The following IL1RAPL2 variants were observed in gnomAD, a reference collection of about 807,000 sequenced individuals.
IL1RAPL2 encodes the protein interleukin 1 receptor accessory protein like 2, also known as X-linked interleukin-1 receptor accessory protein-like 2.
A neutral mutation model predicts 44.1 loss-of-function variants in IL1RAPL2; 3 were observed. The observed-to-expected ratio is 0.07, with a 90% confidence interval of 0.03 to 0.18. IL1RAPL2 has a LOEUF of 0.18. IL1RAPL2 is among the 10% of genes least tolerant of loss of function. The pLI is 1.00. For synonymous variants in IL1RAPL2, 181 were observed against 178.8 expected (o/e 1.01, Z -0.10); for missense variants, 391 against 496.4 (o/e 0.79, Z 2.02).
At chrX:105,462,980 T>G (rs2036103273) in intron 5 of IL1RAPL2, among the ~76,000 whole-genome samples, 1 of 111,557 alleles carries the variant, frequency 9.0e-6, no homozygotes, top group Non-Finnish European at 1.9e-5. Context: ...GTTTTCTGTC[T>G]GATATCATGA....
At chrX:105,254,753 C>T (rs1381497522) in intron 4 of IL1RAPL2, among the ~76,000 whole-genome samples, 2 of 111,768 alleles carry the variant, frequency 1.8e-5, no homozygotes, top group Non-Finnish European at 3.8e-5. Context: ...AAGGGGTTCA[C>T]CTTCAATCTT....
chrX:104,996,626 A>G (rs2030753123), intron 2 of IL1RAPL2, among the ~76,000 whole-genome samples: 1 of 112,232 alleles, frequency 8.9e-6, no homozygotes, highest in African/African-American at 3.2e-5. Context: ...AGAGAATATT[A>G]TGCTTTGAAT....
intron 2 of IL1RAPL2, among the ~76,000 whole-genome samples, chrX:104,793,770 TC>T (rs1283419234): frequency 1.8e-5 from 2 of 111,751 alleles, no homozygotes; most frequent in African/African-American, 6.5e-5. Flanking sequence ...TCCTGCACCA[TC>T]ACCATTATAA....
At chrX:104,792,758 A>G (rs1435080343) in intron 2 of IL1RAPL2, among the ~76,000 whole-genome samples, 1 of 111,611 alleles carries the variant, frequency 9.0e-6, no homozygotes, top group African/African-American at 3.3e-5. Context: ...CAGTAATCAG[A>G]TTGCTGAATC....
At chrX:104,916,187 C>T (rs1394784480) in intron 2 of IL1RAPL2, among the ~76,000 whole-genome samples, 4 of 111,830 alleles carry the variant, frequency 3.6e-5, no homozygotes, top group Non-Finnish European at 5.6e-5. Context: ...GATATTGATT[C>T]TTCCTACCCA....
intron 2 of IL1RAPL2, among the ~76,000 whole-genome samples, chrX:104,895,229 G>T (rs1305766081): frequency 1.8e-5 from 2 of 112,487 alleles, no homozygotes; most frequent in Non-Finnish European, 3.8e-5. Flanking sequence ...CTACTCGGGG[G>T]TCAGGGACCC....
intron 5 of IL1RAPL2, among the ~76,000 whole-genome samples, chrX:105,438,280 G>A (rs2035895508): frequency 1.8e-5 from 2 of 111,195 alleles, no homozygotes; most frequent in Non-Finnish European, 1.9e-5. Context: ...CAGATAATGG[G>A]TATGTGCCAA....
intron 1 of IL1RAPL2, among the ~76,000 whole-genome samples, chrX:104,609,028 C>A (rs1929085263): frequency 9.0e-6 from 1 of 111,602 alleles, no homozygotes; most frequent in East Asian, 2.8e-4. Flanking sequence ...CCTTCAGGAG[C>A]TCTTGTAAGG....
chrX:105,012,645 T>TCTCTCACA (rs1287477665), intron 2 of IL1RAPL2, among the ~76,000 whole-genome samples: 3 of 48,511 alleles, frequency 6.2e-5, no homozygotes, highest in East Asian at 8.3e-4. Flanking sequence ...TCTCTCTCTC[T>TCTCTCACA]CACACACACA....
chrX:105,401,712 T>A, intron 5 of IL1RAPL2, among the ~76,000 whole-genome samples: 1 of 110,886 alleles, frequency 9.0e-6, no homozygotes, highest in East Asian at 2.8e-4. Flanking sequence ...TTAGCTTTTT[T>A]AAAAGAAAGA....
At chrX:104,845,057 A>C (rs1441239585) in intron 2 of IL1RAPL2, among the ~76,000 whole-genome samples, 1 of 111,986 alleles carries the variant, frequency 8.9e-6, no homozygotes, top group East Asian at 2.8e-4. Flanking sequence ...TAATCTCTTC[A>C]AACTTTAAAG....
At chrX:104,986,299 G>A (rs1027557716) in intron 2 of IL1RAPL2, among the ~76,000 whole-genome samples, 1 of 111,796 alleles carries the variant, frequency 8.9e-6, no homozygotes, top group African/African-American at 3.3e-5. Context: ...CATGTTAAAG[G>A]CTTCTTTGGA....
chrX:104,612,289 G>T (rs1929178831), intron 1 of IL1RAPL2, among the ~76,000 whole-genome samples: 1 of 111,440 alleles, frequency 9.0e-6, no homozygotes, highest in South Asian at 3.8e-4. Context: ...GTGTTGCCTA[G>T]GTTTTCTTTC....
intron 2 of IL1RAPL2, among the ~76,000 whole-genome samples, chrX:104,941,888 G>C (rs1420735130): frequency 1.4e-4 from 16 of 111,876 alleles, no homozygotes; most frequent in African/African-American, 4.9e-4. Context: ...AAGGCATAAG[G>C]AAGGGATCCA....
At chrX:105,369,315 A>G (rs1185985297) in intron 5 of IL1RAPL2, among the ~76,000 whole-genome samples, 2 of 111,254 alleles carry the variant, frequency 1.8e-5, no homozygotes, top group Non-Finnish European at 3.8e-5. Flanking sequence ...ATTTCTCACC[A>G]ATCAGCCCAC....
chrX:104,988,401 A>G (rs1467943172), intron 2 of IL1RAPL2, among the ~76,000 whole-genome samples: 2 of 112,301 alleles, frequency 1.8e-5, no homozygotes. Flanking sequence ...TGAATTATGG[A>G]ACACTGTAGT....
chrX:105,018,266 C>A (rs1356724020), intron 2 of IL1RAPL2, among the ~76,000 whole-genome samples: 1 of 111,317 alleles, frequency 9.0e-6, no homozygotes, highest in African/African-American at 3.3e-5. Context: ...TTCCTAATCC[C>A]TACCTTCTTA....
intron 2 of IL1RAPL2, among the ~76,000 whole-genome samples, chrX:105,074,339 A>G (rs1352057654): frequency 1.8e-5 from 2 of 111,445 alleles, no homozygotes; most frequent in African/African-American, 3.3e-5. Context: ...TTTGTCAAAG[A>G]TCAGATGGTT....
intron 6 of IL1RAPL2, among the ~76,000 whole-genome samples, chrX:105,618,188 A>G (rs1460897758): frequency 9.2e-6 from 1 of 108,606 alleles, no homozygotes; most frequent in Non-Finnish European, 1.9e-5. Context: ...AGAAAGAACA[A>G]GCAGAGGGAA....
Sources: allele counts gnomAD v4.1 joint callset (sites outside exome capture counted in the v4.1 genomes callset), GRCh38; gene constraint gnomAD v4.1.1; transcripts MANE v1.5; gene names NCBI Gene and HGNC (gene_info 2026-07-23, HGNC 2026-07-21).